AASDH: variants seen among roughly 807,000 people sequenced by gnomAD.
AASDH encodes the protein aminoadipate-semialdehyde dehydrogenase.
A neutral mutation model predicts 102.3 loss-of-function variants in AASDH; 81 were observed. The ratio of observed to expected loss-of-function variants is 0.79; its 90% CI spans 0.66 to 0.95. The LOEUF (loss-of-function observed/expected upper bound fraction) is 0.95, where lower values mean the gene tolerates loss of function less well. Among genes scored for constraint, AASDH ranks in the 40% least tolerant of loss-of-function variants. AASDH has a pLI of 0.00. For missense variants in AASDH, 1,203 were observed against 1,266.2 expected (o/e 0.95, Z 0.76); for synonymous variants, 398 against 454.0 (o/e 0.88, Z 1.57).
At chr4:56,375,258 C>A (rs1752209848) in intron 4 of AASDH, among the ~76,000 whole-genome samples, 1 of 152,070 alleles carries the variant, frequency 6.6e-6, no homozygotes, top group Non-Finnish European at 1.5e-5. Context: ...CCAGCTAGCA[C>A]TATCTTATTA....
chr4:56,384,840 G>A (rs1340420264), intron 1 of AASDH, among the ~76,000 whole-genome samples: 2 of 152,168 alleles, frequency 1.3e-5, no homozygotes, highest in African/African-American at 2.4e-5. Flanking sequence ...TCGGGAGGCC[G>A]AGGTGGGTGG....
chr4:56,371,379 AC>A, intron 5 of AASDH, 71 bp downstream of exon 5: 2 of 1,445,050 alleles, frequency 1.4e-6, no homozygotes, highest in Non-Finnish European at 1.9e-6. Context: ...CTACAGGAAT[AC>A]AAAATATTCT....
At chr4:56,354,840 A>G (rs776220286) in intron 6 of AASDH, 29 bp from the exon 7 acceptor site, 1 of 1,513,256 alleles carries the variant, frequency 6.6e-7, no homozygotes, top group African/African-American at 1.4e-5. Flanking sequence ...GAGCAGATTT[A>G]AAATTTTTCA....
chr4:56,369,255 A>G (rs1751409583), intron 5 of AASDH, among the ~76,000 whole-genome samples: 1 of 152,230 alleles, frequency 6.6e-6, no homozygotes, highest in Non-Finnish European at 1.5e-5. Flanking sequence ...TTAAAGAGGT[A>G]GAATTCATTG....
At chr4:56,370,392 GAGAA>G (rs568241234) in intron 5 of AASDH, among the ~76,000 whole-genome samples, 13 of 151,768 alleles carry the variant, frequency 8.6e-5, no homozygotes, top group East Asian at 5.8e-4. Context: ...GAGAGAGAGA[GAGAA>G]AGAAAGAAAG....
intron 11 of AASDH, among the ~76,000 whole-genome samples, chr4:56,346,121 T>C (rs1279122552): frequency 2.6e-5 from 4 of 152,204 alleles, no homozygotes; most frequent in African/African-American, 9.7e-5. Context: ...GGTTCAAATG[T>C]ACAAAGTGAA....
Position 56,363,821 on chromosome 4 carries a change from T to C in AASDH, c.861+7630A>G, listed in dbSNP as rs535910709. ...ACTCTAAAAATCAGAGCTCCTCTCC[T>C]CCTCCAAAGGAACGCAGCTCCTCAC... is the stretch of plus-strand genomic sequence containing the variant. On this transcript the variant is annotated intron_variant, in intron 5 of 14. Transcript: ENST00000205214. Among the ~76,000 whole-genome samples, 411 of 152,176 alleles carry C rather than the reference T, an allele frequency of 2.7e-3. 1 individual carries two copies. Among genetic ancestry groups the C allele is most frequent in the Non-Finnish European group, 4.8e-3 (329 of 68,022 alleles).
chr4:56,378,710 A>C (rs1422184709), intron 3 of AASDH, among the ~76,000 whole-genome samples: 5 of 152,032 alleles, frequency 3.3e-5, no homozygotes, highest in Non-Finnish European at 7.4e-5. Flanking sequence ...TAACTAATAC[A>C]AAACTATGCT....
chr4:56,358,771 C>T (rs981879086), intron 5 of AASDH, among the ~76,000 whole-genome samples: 1 of 151,968 alleles, frequency 6.6e-6, no homozygotes, highest in African/African-American at 2.4e-5. Flanking sequence ...TGAAATGTGC[C>T]AATGTGCTTA....
rs938944380 is a variant in AASDH, at chr4:56,382,477, A to G, written c.351T>C (p.Asn117=). The G allele has an allele frequency of 8.3e-6, 13 of 1,557,454 alleles. No individual in the cohort carries two copies. The highest frequency in any genetic ancestry group is 6.8e-5 in the African/African-American group (5 of 73,330). Residue 117 remains asparagine (N), a splice_region_variant and synonymous_variant, in exon 3 of 15, where the codon AAT becomes AAC. Transcript: ENST00000205214. The stretch of plus-strand genomic sequence containing the variant: ...AAACAATTGAAACATCCAGACTTAC[A>G]TTAATTTGTTTTTTTTCAACAAGGA... ...KYILVEKKQI[N]KFKSFHETLL... is the part of the protein sequence containing the mutation.
rs571428751 is a variant in AASDH, at chr4:56,349,899, A to T, written c.1852T>A (p.Ser618Thr). The change falls in exon 11 of 15, where the codon TCC (serine) becomes ACC (threonine). Residue 618 changes from serine (S) to threonine (T), a missense_variant. Transcript: ENST00000205214. The stretch of plus-strand genomic sequence containing the variant: ...ATGTGATTATAAATCTCTAAAATGG[A>T]ACTGCTGAGAATAATTTCCAGAAGC... ...PGLLEIILSS[S>T]ILEIYNHILQ... is the part of the protein sequence containing the mutation. 3 of 1,614,114 alleles carry T rather than the reference A, an allele frequency of 1.9e-6. No individual in the cohort carries two copies. In the South Asian group the frequency reaches 3.3e-5, roughly 18 times the overall value.
At position 56,353,584 on chromosome 4, in the gene AASDH, G is replaced by A. The variant is rs770079811; in HGVS notation, c.1396C>T (p.Leu466Phe). The A allele has an allele frequency of 1.9e-6, 3 of 1,610,118 alleles. No individual in the cohort carries two copies. Among genetic ancestry groups the A allele is most frequent in the African/African-American group, 1.3e-5 (1 of 74,714 alleles). ...IELVQQVAEE[L>F]QQVESCAVTW... ...ACTGCACAAGACTCCACTTGCTGAA[G>A]CTCTTCAGCAACCTATAAGAGAGAT... The change falls in exon 9 of 15, where the codon CTT becomes TTT. Residue 466 changes from leucine (L) to phenylalanine (F), a missense_variant. Physicochemically the swap from Leu to Phe is conservative, Grantham distance 22 (BLOSUM62 0). Coordinates refer to ENST00000205214, the MANE Select transcript of AASDH (RefSeq NM_181806.4).
chr4:56,381,737 T>C (rs1196225811), intron 3 of AASDH: 3 of 151,186 alleles, frequency 2.0e-5, no homozygotes, highest in Non-Finnish European at 2.9e-5. Context: ...CTGGCTCATA[T>C]AGAAAATGGG....
rs766675210 is a variant in AASDH at position 56,351,472 on chromosome 4, G to T, written c.1577-15C>A. On this transcript the variant is annotated splice_polypyrimidine_tract_variant and intron_variant, in intron 9 of 14. Coordinates refer to ENST00000205214, the MANE Select transcript of AASDH (RefSeq NM_181806.4). ...ATCAATTTTGCCTTAATATAAAAGA[G>T]AAATAACAAATGTTTTAAAACATTT... The T allele has an allele frequency of 8.2e-6, 11 of 1,342,668 alleles. No homozygotes were observed. In the East Asian group the frequency reaches 2.5e-4, roughly 31 times the overall value. The allele number at this position is 1,342,668 out of a possible 1,614,324, so 83.2% of individuals were successfully genotyped here. A position where few individuals can be genotyped will look rare whatever the true frequency, so the allele number is the denominator to read the frequency against.
At chr4:56,343,451 T>C (rs1158746581) in intron 13 of AASDH, 111 bp downstream of exon 13, 1 of 724,320 alleles carries the variant, frequency 1.4e-6, no homozygotes. Flanking sequence ...GTTTGGTGTA[T>C]GTGGACTACT....
At position 56,355,258 on chromosome 4, in the gene AASDH, C is replaced by T; in HGVS notation, c.1027G>A (p.Val343Ile). Residue 343 changes from valine (V) to isoleucine (I), a missense_variant, in exon 6 of 15, where the codon GTT becomes ATT. Transcript: ENST00000205214. Reference protein sequence around the residue: ...GEGNKTQIFNVYGITEVSSWA... With the variant: ...GEGNKTQIFNIYGITEVSSWA... ...CTTGATACCTCTGTGATACCATAAA[C>T]ATTAAATATTTGTGTTTTATTGCCT... The T allele has an allele frequency of 6.2e-7, 1 of 1,614,086 alleles. No homozygotes were observed.
chr4:56,350,016 C>A lies in AASDH; in HGVS notation c.1735G>T (p.Glu579Ter). ...LPEDLLRVPD[E>*]SLFLNSGGDS... ...CCACCACTATTTAAGAAGAGTGACT[C>A]ATCAGGAACCCTCAAAAGATCTTCT... The change falls in exon 11 of 15, where the codon GAG (glutamate) becomes TAG (stop). Residue 579 changes from glutamate to a stop codon, truncating the protein, a stop_gained. Coordinates refer to ENST00000205214, the MANE Select transcript of AASDH (RefSeq NM_181806.4). LOFTEE classifies it high-confidence loss of function. 1 of 1,604,608 alleles carries A rather than the reference C, an allele frequency of 6.2e-7. No homozygotes were observed. Among genetic ancestry groups the A allele is most frequent in the Non-Finnish European group, 8.5e-7 (1 of 1,178,968 alleles).
intron 5 of AASDH, among the ~76,000 whole-genome samples, chr4:56,364,803 GCAT>G (rs1192947235): frequency 2.0e-5 from 3 of 152,164 alleles, no homozygotes; most frequent in African/African-American, 7.2e-5. Context: ...GGAAGAAACT[GCAT>G]CAACTAATGA....
At chr4:56,374,017 T>C (rs1752044869) in intron 4 of AASDH, among the ~76,000 whole-genome samples, 1 of 152,180 alleles carries the variant, frequency 6.6e-6, no homozygotes. Context: ...CCAACCACCA[T>C]ATGAGGCAGG....
Sources: allele counts gnomAD v4.1 joint callset (sites outside exome capture counted in the v4.1 genomes callset), GRCh38; gene constraint gnomAD v4.1.1; transcripts MANE v1.5; gene names NCBI Gene and HGNC (gene_info 2026-07-23, HGNC 2026-07-21).